CDH12: variants seen among roughly 807,000 people sequenced by gnomAD.
CDH12 encodes cadherin-12.
CDH12 carries 41 observed loss-of-function variants against 74.1 expected under a neutral mutation model. That is an observed-to-expected ratio of 0.55 (90% CI 0.43 to 0.72). CDH12 has a LOEUF of 0.72. Among genes scored for constraint, CDH12 ranks in the 30% least tolerant of loss-of-function variants. The pLI, the probability that CDH12 is intolerant of heterozygous loss-of-function variation, is 0.00. For synonymous variants in CDH12, 399 were observed against 355.0 expected, an observed-to-expected ratio of 1.12 and a Z score of -1.39; for missense variants, 945 against 977.2, an observed-to-expected ratio of 0.97 and a Z score of 0.44.
Position 22,291,270 on chromosome 5 carries a change from C to T in CDH12, c.-332-78627G>A, listed in dbSNP as rs190821134. Among the ~76,000 whole-genome samples, 371 of 152,082 alleles carry T rather than the reference C, an allele frequency of 2.4e-3. 3 individuals carry two copies. Among genetic ancestry groups the T allele is most frequent in the African/African-American group, 8.8e-3 (365 of 41,526 alleles). On this transcript the variant is annotated intron_variant, in intron 3 of 14. Coordinates refer to ENST00000382254, the MANE Select transcript of CDH12 (RefSeq NM_004061.5). ...AACCCACAGCTAATATCATACTCAA[C>T]CTAAAAGTGTCTTCTCTGAGATATA... is the stretch of plus-strand genomic sequence containing the variant.
intron 3 of CDH12, among the ~76,000 whole-genome samples, chr5:22,265,967 G>A (rs538909382): frequency 1.3e-5 from 2 of 152,116 alleles, no homozygotes; most frequent in East Asian, 1.9e-4. Context: ...GTAAATAATA[G>A]ATCAGATATT....
chr5:22,404,240 T>C (rs1303006107), intron 3 of CDH12, among the ~76,000 whole-genome samples: 1 of 151,976 alleles, frequency 6.6e-6, no homozygotes, highest in Non-Finnish European at 1.5e-5. Context: ...ACCCCTCATT[T>C]TGAATAGAGG....
At chr5:22,240,813 C>A (rs1752722938) in intron 3 of CDH12, among the ~76,000 whole-genome samples, 1 of 152,118 alleles carries the variant, frequency 6.6e-6, no homozygotes, top group South Asian at 2.1e-4. Flanking sequence ...GGATTACAGG[C>A]GTGAGCCACC....
intron 1 of CDH12, among the ~76,000 whole-genome samples, chr5:22,646,422 A>T (rs1234572520): frequency 6.6e-6 from 1 of 151,858 alleles, no homozygotes; most frequent in African/African-American, 2.4e-5. Context: ...GCACCAAATG[A>T]ACAAAAGAAA....
chr5:21,892,533 C>A (rs1402701027), intron 6 of CDH12, among the ~76,000 whole-genome samples: 1 of 150,420 alleles, frequency 6.6e-6, no homozygotes, highest in Non-Finnish European at 1.5e-5. Flanking sequence ...AAGCTTTTTT[C>A]TTCTAGTCTA....
intron 2 of CDH12, among the ~76,000 whole-genome samples, chr5:22,411,957 C>T (rs111366300): frequency 0.036 from 5,483 of 151,970 alleles, 114 homozygotes; most frequent in African/African-American, 0.055. Flanking sequence ...TAAAGGCATT[C>T]CTCGTATTCA....
chr5:22,513,315 A>G (rs1736684684), intron 1 of CDH12, among the ~76,000 whole-genome samples: 1 of 152,022 alleles, frequency 6.6e-6, no homozygotes, highest in African/African-American at 2.4e-5. Flanking sequence ...GCATTACTAT[A>G]CTAGAAAAGG....
intron 5 of CDH12, among the ~76,000 whole-genome samples, chr5:22,067,970 T>G (rs910745656): frequency 3.3e-5 from 5 of 151,906 alleles, no homozygotes; most frequent in African/African-American, 1.2e-4. Context: ...AGAGTGAGAC[T>G]CTGTCTCAAA....
At position 22,255,853 on chromosome 5, in the gene CDH12, G is replaced by A. The variant is rs1397019635; in HGVS notation, c.-332-43210C>T. On this transcript the variant is annotated intron_variant, in intron 3 of 14. Transcript: ENST00000382254. ...ATAACATCAGTATAACTGTTAGAAT[G>A]GTTAAATGTCAGAATGGCTGTTATT... 4.6e-5 allele frequency among the ~76,000 whole-genome samples: 7 copies of A among 152,024 alleles called. No homozygotes were observed. In the South Asian group the frequency reaches 1.0e-3, roughly 23 times the overall value.
intron 6 of CDH12, among the ~76,000 whole-genome samples, chr5:21,972,910 A>T (rs59717593): frequency 3.4e-5 from 5 of 148,572 alleles, no homozygotes; most frequent in Non-Finnish European, 6.0e-5. Flanking sequence ...TATTAAAAAT[A>T]AAAAAAAAGG....
chr5:22,075,085 A>G (rs1742212626), intron 5 of CDH12, among the ~76,000 whole-genome samples: 1 of 152,084 alleles, frequency 6.6e-6, no homozygotes, highest in Non-Finnish European at 1.5e-5. Flanking sequence ...GATAGACTGG[A>G]TTAAGAAAAT....
intron 1 of CDH12, among the ~76,000 whole-genome samples, chr5:22,707,578 C>A (rs1743080496): frequency 6.6e-6 from 1 of 152,048 alleles, no homozygotes; most frequent in African/African-American, 2.4e-5. Context: ...ACAACAAAAG[C>A]ATCACATTGA....
At chr5:22,224,554 G>T (rs145347305) in intron 3 of CDH12, among the ~76,000 whole-genome samples, 77 of 152,142 alleles carry the variant, frequency 5.1e-4, no homozygotes, top group Admixed American at 1.5e-3. Flanking sequence ...CAGAATTGAG[G>T]ATACTATGTA....
intron 6 of CDH12, among the ~76,000 whole-genome samples, chr5:21,957,799 T>C (rs1756168922): frequency 6.6e-6 from 1 of 152,304 alleles, no homozygotes; most frequent in Non-Finnish European, 1.5e-5. Flanking sequence ...AAATTCCTTA[T>C]AGGTGCTGGA....
At chr5:22,501,024 G>A (rs1747309981) in intron 2 of CDH12, among the ~76,000 whole-genome samples, 1 of 150,964 alleles carries the variant, frequency 6.6e-6, no homozygotes, top group African/African-American at 2.4e-5. Context: ...CCTGCATTGT[G>A]ACCTATCACA....
intron 5 of CDH12, among the ~76,000 whole-genome samples, chr5:22,058,210 C>T (rs1580181745): frequency 6.6e-6 from 1 of 152,210 alleles, no homozygotes; most frequent in East Asian, 1.9e-4. Context: ...GCACACGCCT[C>T]CATGCCCAGG....
chr5:22,190,745 G>A, intron 4 of CDH12, among the ~76,000 whole-genome samples: 1 of 152,114 alleles, frequency 6.6e-6, no homozygotes. Flanking sequence ...ACCTGCCAGA[G>A]CTCTTGTCTC....
intron 2 of CDH12, among the ~76,000 whole-genome samples, chr5:22,493,126 C>T (rs1458254169): frequency 6.6e-6 from 1 of 152,170 alleles, no homozygotes; most frequent in African/African-American, 2.4e-5. Context: ...ATGATCTCAT[C>T]GTGGATTCCT....
At chr5:22,418,622 G>T (rs753788495) in intron 2 of CDH12, among the ~76,000 whole-genome samples, 3 of 152,028 alleles carry the variant, frequency 2.0e-5, no homozygotes, top group African/African-American at 4.8e-5. Context: ...GGTAGCTCGC[G>T]CCTGTAATCC....
Sources: gnomAD v4.1 joint callset for allele counts (sites outside exome capture counted in the v4.1 genomes callset) on GRCh38, gnomAD v4.1.1 for gene constraint, MANE v1.5 for transcripts, NCBI Gene and HGNC (gene_info 2026-07-23, HGNC 2026-07-21) for gene names.